Variants in PCDHGA11 observed in about 807,000 individuals in gnomAD.
The protein encoded by PCDHGA11 is protocadherin gamma-A11.
PCDHGA11 carries 39 observed loss-of-function variants against 60.4 expected under a neutral mutation model. The ratio of observed to expected loss-of-function variants is 0.65; its 90% CI spans 0.50 to 0.84. The LOEUF is 0.84. Among genes scored for constraint, PCDHGA11 ranks in the 40% least tolerant of loss-of-function variants. The probability of loss-of-function intolerance (pLI) is 0.00; values close to 1 mark genes in which losing one functional copy is unlikely to be tolerated. For missense variants in PCDHGA11, 1,165 were observed against 1,197.7 expected, an observed-to-expected ratio of 0.97 and a Z score of 0.40; for synonymous variants, 533 against 510.3, an observed-to-expected ratio of 1.04 and a Z score of -0.60.
chr5:141,466,285 C>A (rs1271958613), intron 1 of PCDHGA11, among the ~76,000 whole-genome samples: 1 of 152,148 alleles, frequency 6.6e-6, no homozygotes, highest in African/African-American at 2.4e-5. Context: ...ATCTTCCCAC[C>A]TCAGGCTCCC....
chr5:141,446,821 T>C lies in PCDHGA11; in HGVS notation c.2433+23161T>C, dbSNP rs183143971. ...CATTGTGATCATCTAGTCAGATGGG[T>C]AGATCCTTATAAGGCTGAGCATAAT... On this transcript the variant is annotated intron_variant, in intron 1 of 3. Coordinates refer to ENST00000398587, the MANE Select transcript of PCDHGA11 (RefSeq NM_018914.3). 1.6e-3 allele frequency among the ~76,000 whole-genome samples: 244 copies of C among 152,302 alleles called. 2 individuals carry two copies. The highest frequency in any genetic ancestry group is 5.4e-3 in the African/African-American group (223 of 41,572).
In PCDHGA11 at chr5:141,489,375, G is replaced by A. The variant is rs768190252; in HGVS notation, c.2434-5432G>A. The A allele has an allele frequency of 1.2e-5, 19 of 1,613,826 alleles. No individual in the cohort carries two copies. The Admixed American group carries it at 3.2e-4, about 27-fold the overall frequency. ...AGGAGTCTGAGCCGGGGACGCTGGT[G>A]GGGAATGTTGCTCAGGATCTGGGCT... On this transcript the variant is annotated intron_variant, in intron 1 of 3. Transcript: ENST00000398587. The surrounding 1 kb of genome is among the most constrained non-coding windows in gnomAD (Gnocchi z 4.5).
chr5:141,456,122 C>A (rs1411002229), intron 1 of PCDHGA11, among the ~76,000 whole-genome samples: 1 of 152,176 alleles, frequency 6.6e-6, no homozygotes, highest in East Asian at 1.9e-4. Context: ...TGGTCTCCAT[C>A]TCCTGACCTC....
In PCDHGA11 at chr5:141,430,181, T is replaced by A. The variant is rs561671481; in HGVS notation, c.2433+6521T>A. ...TCTATTTAAAAATATTTTCCCCAAA[T>A]TATAGCTGAATCAGAAAGTTTAAAT... On this transcript the variant is annotated intron_variant, in intron 1 of 3. Transcript: ENST00000398587. 2.0e-5 allele frequency among the ~76,000 whole-genome samples: 3 copies of A among 152,252 alleles called. No homozygotes were observed. The South Asian group carries it at 6.2e-4, about 32-fold the overall frequency.
Position 141,486,799 on chromosome 5 carries a change from C to A in PCDHGA11, c.2434-8008C>A. The A allele has an allele frequency of 6.2e-7, 1 of 1,614,220 alleles. No individual in the cohort carries two copies. Among genetic ancestry groups the A allele is most frequent in the African/African-American group, 1.3e-5 (1 of 75,060 alleles). ...AGGTGCAGGCCCGGGATCGGGGCAA[C>A]CCACCCCTTAGCAGCACTGTAACAG... On this transcript the variant is annotated intron_variant, in intron 1 of 3. Coordinates refer to ENST00000398587, the MANE Select transcript of PCDHGA11 (RefSeq NM_018914.3). This position sits in a 1 kb window ranked among gnomAD's most constrained non-coding sequence, Gnocchi z 5.0.
intron 1 of PCDHGA11, among the ~76,000 whole-genome samples, chr5:141,474,669 C>T (rs983136753): frequency 6.6e-6 from 1 of 152,198 alleles, no homozygotes; most frequent in Non-Finnish European, 1.5e-5. Flanking sequence ...CCTACCTAAC[C>T]TATGTGCCTA....
At chr5:141,427,410 G>GA (rs1197961039) in intron 1 of PCDHGA11, 3 of 463,834 alleles carry the variant, frequency 6.5e-6, no homozygotes, top group African/African-American at 2.0e-5. Flanking sequence ...AGATTCGAGA[G>GA]AAAATGGGGA....
Position 141,432,405 on chromosome 5 carries a change from GC to G in PCDHGA11, c.2433+8747del. On this transcript the variant is annotated intron_variant, in intron 1 of 3. Coordinates refer to ENST00000398587, the MANE Select transcript of PCDHGA11 (RefSeq NM_018914.3). This position sits in a 1 kb window ranked among gnomAD's most constrained non-coding sequence, Gnocchi z 6.0. ...CCCCTCAGCAGCAACGTGTCGTTGA[GC>G]CTGTTCGTGCTGGACCAGAACGACA... The G allele has an allele frequency of 6.2e-7, 1 of 1,614,246 alleles. No individual in the cohort carries two copies. Among genetic ancestry groups the G allele is most frequent in the South Asian group, 1.1e-5 (1 of 91,084 alleles).
At position 141,477,415 on chromosome 5, in the gene PCDHGA11, A is replaced by T. The variant is rs771293212; in HGVS notation, c.2434-17392A>T. On this transcript the variant is annotated intron_variant, in intron 1 of 3. Coordinates refer to ENST00000398587, the MANE Select transcript of PCDHGA11 (RefSeq NM_018914.3). This position sits in a 1 kb window ranked among gnomAD's most constrained non-coding sequence, Gnocchi z 4.9. ...TCAGCATCACCGCCCGAGACGCCGG[A>T]ACCCCTTCCCTCTCAGCCCTTACAA... 12 of 1,614,162 alleles carry T rather than the reference A, an allele frequency of 7.4e-6. No individual in the cohort carries two copies. The highest frequency in any genetic ancestry group is 1.0e-5 in the Non-Finnish European group (12 of 1,180,020).
At position 141,499,673 on chromosome 5, in the gene PCDHGA11, C is replaced by A. The variant is rs1193484216; in HGVS notation, c.2492+4808C>A. Among the ~76,000 whole-genome samples the A allele has an allele frequency of 2.7e-5, 4 of 150,550 alleles. No individual in the cohort carries two copies. In the East Asian group the frequency reaches 7.8e-4, roughly 29 times the overall value. On this transcript the variant is annotated intron_variant, in intron 2 of 3. Transcript: ENST00000398587. ...CATATAATTTCATCTTGGTCTCCACCATCTTTAACAGATGACTTTTTTTTT... is the reference window on the plus strand; with the variant it reads ...CATATAATTTCATCTTGGTCTCCACAATCTTTAACAGATGACTTTTTTTTT...
Position 141,489,493 on chromosome 5 carries a change from G to A in PCDHGA11, c.2434-5314G>A, listed in dbSNP as rs1485293604. ...CCTGAGCTTGATGAGTGGTGCCCTG[G>A]CAGTGAATCAAAAGATTGACCGAGA... On this transcript the variant is annotated intron_variant, in intron 1 of 3. Coordinates refer to ENST00000398587, the MANE Select transcript of PCDHGA11 (RefSeq NM_018914.3). The surrounding 1 kb of genome is among the most constrained non-coding windows in gnomAD (Gnocchi z 4.5). The A allele has an allele frequency of 1.2e-6, 2 of 1,613,960 alleles. No homozygotes were observed. Among genetic ancestry groups the A allele is most frequent in the Non-Finnish European group, 1.7e-6 (2 of 1,180,038 alleles).
At position 141,421,985 on chromosome 5, in the gene PCDHGA11, C is replaced by A. The variant is rs762388624; in HGVS notation, c.758C>A (p.Pro253Gln). The change falls in exon 1 of 4, where the codon CCA becomes CAA. Residue 253 changes from proline (P) to glutamine (Q), a missense_variant. Transcript: ENST00000398587. ...FTQSVYRVSV[P>Q]ENISSGTRVL... ...CAGTCCGTATATCGCGTGAGTGTTC[C>A]AGAAAACATCAGCTCCGGAACTCGG... is the stretch of plus-strand genomic sequence containing the variant. The A allele has an allele frequency of 6.2e-7, 1 of 1,608,432 alleles. No homozygotes were observed. Among genetic ancestry groups the A allele is most frequent in the East Asian group, 2.2e-5 (1 of 44,836 alleles).
rs775299266 is a variant in PCDHGA11, at chr5:141,432,192, AC to A, written c.2433+8536del. On this transcript the variant is annotated intron_variant, in intron 1 of 3. Transcript: ENST00000398587. The surrounding 1 kb of genome is among the most constrained non-coding windows in gnomAD (Gnocchi z 6.0). ...TCCCTCGTCTCTGTGACCGCCCACG[AC>A]CCCGACTGTGAAGAGAACGCCCAGA... 5 of 1,613,812 alleles carry A rather than the reference AC, an allele frequency of 3.1e-6. No individual in the cohort carries two copies. Among genetic ancestry groups the A allele is most frequent in the Non-Finnish European group, 4.2e-6 (5 of 1,179,996 alleles).
intron 3 of PCDHGA11, chr5:141,507,418 A>T (rs2099860509): frequency 6.6e-6 from 1 of 152,204 alleles, no homozygotes; most frequent in Non-Finnish European, 1.5e-5. Context: ...CTGTGAGGTT[A>T]AGTGGGGCCA....
intron 2 of PCDHGA11, among the ~76,000 whole-genome samples, chr5:141,500,469 A>G (rs917974103): frequency 1.3e-5 from 2 of 152,052 alleles, no homozygotes; most frequent in East Asian, 1.9e-4. Context: ...TCGGCCTCCC[A>G]AAGTGCTGGG....
In PCDHGA11 at chr5:141,492,559, C is replaced by A. The variant is rs533830391; in HGVS notation, c.2434-2248C>A. ...GGGCTGGGCCGGGTCGCCTGGGGGG[C>A]GGCCTGAGCGAGGCGCGGGGCCAGG... On this transcript the variant is annotated intron_variant, in intron 1 of 3. Coordinates refer to ENST00000398587, the MANE Select transcript of PCDHGA11 (RefSeq NM_018914.3). 2.6e-5 allele frequency among the ~76,000 whole-genome samples: 4 copies of A among 152,292 alleles called. No individual in the cohort carries two copies. The East Asian group carries it at 7.7e-4, about 29-fold the overall frequency.
rs781336795 is a variant in PCDHGA11, at chr5:141,477,936, C to T, written c.2434-16871C>T. Reference sequence around the variant, plus strand: ...GATGCAGGGCACAATGCCTGGCTCTCCTACAGTCTCTTGGGATCCCCTAAC... The same window carrying T: ...GATGCAGGGCACAATGCCTGGCTCTTCTACAGTCTCTTGGGATCCCCTAAC... On this transcript the variant is annotated intron_variant, in intron 1 of 3. Transcript: ENST00000398587. This position sits in a 1 kb window ranked among gnomAD's most constrained non-coding sequence, Gnocchi z 4.9. 1.2e-6 allele frequency: 2 copies of T among 1,614,170 alleles called. No homozygotes were observed. The highest frequency in any genetic ancestry group is 1.1e-5 in the South Asian group (1 of 91,088).
chr5:141,508,091 GCCC>G (rs2099866180), intron 3 of PCDHGA11: 1 of 152,482 alleles, frequency 6.6e-6, no homozygotes, highest in Non-Finnish European at 1.5e-5. Flanking sequence ...TGCTGCCTTG[GCCC>G]TGGGATGGGG....
Position 141,477,771 on chromosome 5 carries a change from G to A in PCDHGA11, c.2434-17036G>A. 1 of 1,613,992 alleles carries A rather than the reference G, an allele frequency of 6.2e-7. No homozygotes were observed. The highest frequency in any genetic ancestry group is 1.3e-5 in the African/African-American group (1 of 75,054). ...ACCCCGGTCCTAGCCACCAACATCA[G>A]CGTGAACATATTTGTCACTGATCGC... On this transcript the variant is annotated intron_variant, in intron 1 of 3. Transcript: ENST00000398587. This position sits in a 1 kb window ranked among gnomAD's most constrained non-coding sequence, Gnocchi z 4.9.
Sources: gnomAD v4.1 joint callset for allele counts (sites outside exome capture counted in the v4.1 genomes callset) on GRCh38, gnomAD v4.1.1 for gene constraint, Gnocchi (gnomAD v3.1) non-coding constraint, MANE v1.5 for transcripts, NCBI Gene and HGNC (gene_info 2026-07-23, HGNC 2026-07-21) for gene names.